Variants in ZUP1 observed in about 807,000 individuals in gnomAD.
The protein encoded by ZUP1 is zinc finger-containing ubiquitin peptidase 1.
A neutral mutation model predicts 68.1 loss-of-function variants in ZUP1; 55 were observed. The observed-to-expected ratio is 0.81, with a 90% CI of 0.65 to 1.01. The LOEUF (loss-of-function observed/expected upper bound fraction) is 1.01. ZUP1 is among the 50% of genes least tolerant of loss of function. ZUP1 has a pLI of 0.00. For missense variants in ZUP1, 684 were observed against 674.9 expected (o/e 1.01, Z -0.15); for synonymous variants, 223 against 221.5 (o/e 1.01, Z -0.06).
intron 9 of ZUP1, among the ~76,000 whole-genome samples, chr6:116,637,697 G>C (rs1476432823): frequency 6.6e-6 from 1 of 152,198 alleles, no homozygotes; most frequent in Admixed American, 6.5e-5. Context: ...ACACTGGTGA[G>C]CAAGTGTCTT....
At position 116,649,199 on chromosome 6, in the gene ZUP1, C is replaced by A. The variant is rs928994413; in HGVS notation, c.1317-1589G>T. Among the ~76,000 whole-genome samples the A allele has an allele frequency of 6.6e-5, 10 of 151,978 alleles. No individual in the cohort carries two copies. In the East Asian group the frequency reaches 1.7e-3, roughly 26 times the overall value. On this transcript the variant is annotated intron_variant, in intron 7 of 9. Coordinates refer to ENST00000368576, the MANE Select transcript of ZUP1 (RefSeq NM_145062.3). ...GTTAATGAAAGAAATATTTTTATTT[C>A]TGAATCTAATCAATCAATGTGGTAA...
intron 7 of ZUP1, among the ~76,000 whole-genome samples, chr6:116,650,950 G>A (rs1421315646): frequency 6.6e-6 from 1 of 151,788 alleles, no homozygotes; most frequent in Non-Finnish European, 1.5e-5. Flanking sequence ...GTGAAAAAAT[G>A]CTACATGACA....
chr6:116,665,555 A>G (rs960476502), intron 2 of ZUP1, among the ~76,000 whole-genome samples: 1 of 150,974 alleles, frequency 6.6e-6, no homozygotes. Flanking sequence ...TATCCAAAAT[A>G]CAGAAAAATT....
chr6:116,650,490 G>C (rs892212460), intron 7 of ZUP1, among the ~76,000 whole-genome samples: 1 of 144,160 alleles, frequency 6.9e-6, no homozygotes, highest in African/African-American at 2.6e-5. Flanking sequence ...AAAGAAAACA[G>C]AGACATTATA....
At chr6:116,667,396 A>T (rs557721375) in intron 1 of ZUP1, among the ~76,000 whole-genome samples, 189 bp from the exon 2 acceptor site, 1,659 of 152,112 alleles carry the variant, frequency 0.011, 24 homozygotes, top group Non-Finnish European at 0.018. Flanking sequence ...ATTTTTTTTT[A>T]AAAAAAGGCA....
rs1476320645 is a variant in ZUP1, at chr6:116,664,291, C to T, written c.559+2343G>A. 2.6e-5 allele frequency among the ~76,000 whole-genome samples: 4 copies of T among 151,950 alleles called. No individual in the cohort carries two copies. The East Asian group carries it at 7.7e-4, about 29-fold the overall frequency. ...ACTAAAAGTACAAAAATTAACTGGGCCTGGTGGTGGGCAGTGGTAATCCCA... is the reference window on the plus strand; with the variant it reads ...ACTAAAAGTACAAAAATTAACTGGGTCTGGTGGTGGGCAGTGGTAATCCCA... On this transcript the variant is annotated intron_variant, in intron 2 of 9. Transcript: ENST00000368576.
chr6:116,655,637 A>AT (rs1170984387), intron 5 of ZUP1, among the ~76,000 whole-genome samples: 1 of 152,194 alleles, frequency 6.6e-6, no homozygotes, highest in Non-Finnish European at 1.5e-5. Context: ...AAAGAAAAAA[A>AT]TTTTAATACT....
intron 2 of ZUP1, among the ~76,000 whole-genome samples, chr6:116,662,417 T>C (rs1017251626): frequency 3.3e-5 from 5 of 152,138 alleles, no homozygotes; most frequent in Admixed American, 1.3e-4. Context: ...AAACTAAGCC[T>C]CAGAGGTTAG....
chr6:116,647,605 T>A lies in ZUP1; in HGVS notation c.1322A>T (p.His441Leu). Residue 441 changes from histidine (H) to leucine (L), a missense_variant, in exon 8 of 10, where the codon CAT becomes CTT. Transcript: ENST00000368576. ...AGTTGATTTGTGAAAATCAACAATA[T>A]GACACCTATTAAAAATTGACAAAAT... Reference protein sequence around the residue: ...ILLTSLRVKCHIVDFHKSTGP... With the variant: ...ILLTSLRVKCLIVDFHKSTGP... The A allele has an allele frequency of 6.6e-7, 1 of 1,526,534 alleles. No homozygotes were observed. The highest frequency in any genetic ancestry group is 1.4e-5 in the African/African-American group (1 of 73,300). 94.6% of individuals were successfully genotyped at this position (1,526,534 alleles called of 1,614,324 possible).
intron 4 of ZUP1, among the ~76,000 whole-genome samples, chr6:116,657,988 G>A (rs1479387322): frequency 1.3e-5 from 2 of 152,270 alleles, no homozygotes; most frequent in East Asian, 3.9e-4. Flanking sequence ...AGCTACTTGG[G>A]AGGCTGAGGC....
At chr6:116,637,620 C>G (rs1381376559) in intron 9 of ZUP1, among the ~76,000 whole-genome samples, 1 of 152,198 alleles carries the variant, frequency 6.6e-6, no homozygotes, top group African/African-American at 2.4e-5. Flanking sequence ...AGAAAGACAA[C>G]AGCCAACTAA....
chr6:116,668,510 T>C (rs1476817537), intron 1 of ZUP1, 56 bp downstream of exon 1: 3 of 152,418 alleles, frequency 2.0e-5, no homozygotes, highest in South Asian at 2.1e-4. Flanking sequence ...TAGCAGGCAC[T>C]AACTGGGTCA....
chr6:116,644,960 ACT>A (rs1776242819), intron 9 of ZUP1, among the ~76,000 whole-genome samples: 1 of 152,114 alleles, frequency 6.6e-6, no homozygotes, highest in Admixed American at 6.5e-5. Flanking sequence ...TTTAATGACT[ACT>A]GTTTTGCAAG....
intron 8 of ZUP1, chr6:116,646,386 G>A (rs886677352): frequency 1.9e-5 from 3 of 154,158 alleles, no homozygotes; most frequent in Non-Finnish European, 2.9e-5. Flanking sequence ...GTTTATTCCT[G>A]TCAATCCAAA....
chr6:116,646,750 T>G (rs1309928529), intron 8 of ZUP1, among the ~76,000 whole-genome samples: 1 of 152,186 alleles, frequency 6.6e-6, no homozygotes, highest in East Asian at 1.9e-4. Context: ...AATTTTCTTA[T>G]GTTTTTGTAG....
At chr6:116,659,630 A>T (rs2352425) in intron 3 of ZUP1, among the ~76,000 whole-genome samples, 69,302 of 151,632 alleles carry the variant, frequency 0.46, 16,227 homozygotes, top group South Asian at 0.55. Context: ...AAAAAAAAAA[A>T]AATAAAGAGC....
intron 9 of ZUP1, among the ~76,000 whole-genome samples, chr6:116,637,458 C>T (rs1001417160): frequency 3.9e-5 from 6 of 152,038 alleles, no homozygotes; most frequent in African/African-American, 1.2e-4. Flanking sequence ...CCTTTTCTAC[C>T]TGGCAGTGTT....
chr6:116,645,871 A>C lies in ZUP1; in HGVS notation c.1532T>G (p.Leu511Arg). 1 of 1,613,900 alleles carries C rather than the reference A, an allele frequency of 6.2e-7. No homozygotes were observed. Among genetic ancestry groups the C allele is most frequent in the East Asian group, 2.2e-5 (1 of 44,796 alleles). Residue 511 changes from leucine to arginine, a missense_variant, in exon 9 of 10, where the codon CTT becomes CGT. Leu to Arg is a moderately radical substitution (Grantham distance 102, BLOSUM62 -2). Coordinates refer to ENST00000368576, the MANE Select transcript of ZUP1 (RefSeq NM_145062.3). ...TTCTCGAGAAGGACATCCAGGATCA[A>C]GTATTAGTAAGCATAATGTTCGGTT... ...KKNRTLCLLI[L>R]DPGCPSREMQ...
At chr6:116,655,588 T>C (rs1407889972) in intron 5 of ZUP1, among the ~76,000 whole-genome samples, 2 of 152,148 alleles carry the variant, frequency 1.3e-5, no homozygotes, top group South Asian at 4.1e-4. Flanking sequence ...AGTAACAAAG[T>C]TGTTTCCATA....
Sources: gnomAD v4.1 joint callset for allele counts (sites outside exome capture counted in the v4.1 genomes callset) on GRCh38, gnomAD v4.1.1 for gene constraint, MANE v1.5 for transcripts, NCBI Gene and HGNC (gene_info 2026-07-23, HGNC 2026-07-21) for gene names.